Variants in SLC35F4 observed in about 807,000 individuals in gnomAD.
The protein encoded by SLC35F4 is solute carrier family 35 member F4.
Under a neutral mutation model 44.2 loss-of-function variants are expected in SLC35F4, and 24 were observed. That is an observed-to-expected ratio of 0.54 (90% CI 0.39 to 0.76). The LOEUF is 0.76. Among genes scored for constraint, SLC35F4 ranks in the 30% least tolerant of loss-of-function variants. The probability of loss-of-function intolerance (pLI) is 0.00; values close to 1 mark genes in which losing one functional copy is unlikely to be tolerated. For synonymous variants in SLC35F4, 238 were observed against 223.6 expected, an observed-to-expected ratio of 1.06 and a Z score of -0.57; for missense variants, 562 against 586.1, an observed-to-expected ratio of 0.96 and a Z score of 0.42.
chr14:57,693,041 G>C (rs1337026795), intron 1 of SLC35F4, among the ~76,000 whole-genome samples: 1 of 152,088 alleles, frequency 6.6e-6, no homozygotes, highest in Non-Finnish European at 1.5e-5. Context: ...CATTATTCCA[G>C]TAACTATTTT....
rs752625772 is a variant in SLC35F4 at position 57,855,340 on chromosome 14, G to GA, written c.103+10382dup. ...ACAAAGAACTTAAACAAATTTACAA[G>GA]AAAAAAAAACAAACAAACCCATCAA... On this transcript the variant is annotated intron_variant, in intron 1 of 7. Coordinates refer to ENST00000556826, the MANE Select transcript of SLC35F4 (RefSeq NM_001306087.2). Among the ~76,000 whole-genome samples the GA allele has an allele frequency of 1.7e-3, 251 of 148,856 alleles. 1 individual carries two copies. Among genetic ancestry groups the GA allele is most frequent in the South Asian group, 5.5e-3 (26 of 4,702 alleles).
At chr14:57,787,890 G>C (rs1336578964) in intron 1 of SLC35F4, among the ~76,000 whole-genome samples, 1 of 152,102 alleles carries the variant, frequency 6.6e-6, no homozygotes, top group African/African-American at 2.4e-5. Context: ...ACGCAACAAA[G>C]AGCTGGATGA....
At chr14:57,863,165 C>T (rs1422157772) in intron 1 of SLC35F4, among the ~76,000 whole-genome samples, 1 of 152,260 alleles carries the variant, frequency 6.6e-6, no homozygotes, top group Non-Finnish European at 1.5e-5. Context: ...CTGCACCCAC[C>T]TTTAATCATC....
chr14:57,659,304 G>A (rs563452773), intron 1 of SLC35F4, among the ~76,000 whole-genome samples: 1 of 152,238 alleles, frequency 6.6e-6, no homozygotes, highest in East Asian at 1.9e-4. Flanking sequence ...AGCAGGCTGA[G>A]TCCCTGGAGT....
rs560816994 is a variant in SLC35F4, at chr14:57,619,851, A to G, written c.104-25727T>C. Reference sequence around the variant, plus strand: ...ACCAGTTCAGAGAAGAACACATATAACCTGATGAAGCTGAAAAACACAGCA... The same window carrying G: ...ACCAGTTCAGAGAAGAACACATATAGCCTGATGAAGCTGAAAAACACAGCA... On this transcript the variant is annotated intron_variant, in intron 1 of 7. Transcript: ENST00000556826. Among the ~76,000 whole-genome samples, 3 of 152,170 alleles carry G rather than the reference A, an allele frequency of 2.0e-5. No individual in the cohort carries two copies. The South Asian group carries it at 6.2e-4, about 32-fold the overall frequency.
chr14:57,691,010 C>G (rs964431), intron 1 of SLC35F4, among the ~76,000 whole-genome samples: 2 of 152,026 alleles, frequency 1.3e-5, no homozygotes, highest in Non-Finnish European at 2.9e-5. Context: ...ACCATGGTAT[C>G]GGTTTGTGGC....
chr14:57,711,538 C>T (rs551622849), intron 1 of SLC35F4, among the ~76,000 whole-genome samples: 1 of 152,118 alleles, frequency 6.6e-6, no homozygotes, highest in Non-Finnish European at 1.5e-5. Flanking sequence ...TTTGGCCCAA[C>T]CTAATAGCAA....
intron 4 of SLC35F4, chr14:57,579,556 C>A (rs953105665): frequency 6.6e-6 from 1 of 152,112 alleles, no homozygotes; most frequent in African/African-American, 2.4e-5. Flanking sequence ...ATTTGCACGC[C>A]ACTAAAAGAA....
intron 1 of SLC35F4, among the ~76,000 whole-genome samples, chr14:57,722,428 A>T (rs1425257015): frequency 6.6e-6 from 1 of 152,178 alleles, no homozygotes; most frequent in Non-Finnish European, 1.5e-5. Context: ...GGTCCAGAAG[A>T]TACACCCTTG....
intron 1 of SLC35F4, among the ~76,000 whole-genome samples, chr14:57,681,978 T>C (rs572796719): frequency 2.0e-5 from 3 of 152,258 alleles, no homozygotes; most frequent in Non-Finnish European, 1.5e-5. Context: ...TGGCAATCAC[T>C]AAAAAGTTAG....
At chr14:57,613,199 C>T (rs2071611374) in intron 1 of SLC35F4, among the ~76,000 whole-genome samples, 1 of 152,216 alleles carries the variant, frequency 6.6e-6, no homozygotes, top group African/African-American at 2.4e-5. Context: ...CATTAATAAA[C>T]ATGCTGAGTT....
chr14:57,623,246 C>T (rs546784305), intron 1 of SLC35F4, among the ~76,000 whole-genome samples: 1 of 152,272 alleles, frequency 6.6e-6, no homozygotes, highest in East Asian at 1.9e-4. Flanking sequence ...GGGATCAATG[C>T]AACAAGAGGA....
At chr14:57,697,108 T>C (rs997054617) in intron 1 of SLC35F4, among the ~76,000 whole-genome samples, 1 of 152,152 alleles carries the variant, frequency 6.6e-6, no homozygotes, top group Admixed American at 6.6e-5. Context: ...TATTTTATTA[T>C]GTAAATTGCT....
At chr14:57,761,174 A>G (rs79020799) in intron 1 of SLC35F4, among the ~76,000 whole-genome samples, 3,206 of 152,198 alleles carry the variant, frequency 0.021, 97 homozygotes, top group African/African-American at 0.072. Flanking sequence ...CTGAAATTCA[A>G]TGTCTTGAAA....
intron 1 of SLC35F4, among the ~76,000 whole-genome samples, chr14:57,955,060 C>T (rs932347075): frequency 7.2e-5 from 11 of 151,782 alleles, no homozygotes; most frequent in Non-Finnish European, 1.3e-4. Context: ...ACTGGCAAAC[C>T]GAATTCAGCA....
At chr14:57,929,809 T>C (rs1169173054) in intron 1 of SLC35F4, among the ~76,000 whole-genome samples, 1 of 152,120 alleles carries the variant, frequency 6.6e-6, no homozygotes, top group Admixed American at 6.5e-5. Context: ...CTCCCCTCAG[T>C]CAGCATAGGG....
At chr14:57,589,878 T>C (rs1214197389) in intron 2 of SLC35F4, among the ~76,000 whole-genome samples, 1 of 152,168 alleles carries the variant, frequency 6.6e-6, no homozygotes, top group African/African-American at 2.4e-5. Flanking sequence ...ACATGAGGCA[T>C]AACACCTCCC....
At chr14:57,957,594 A>C (rs7143449) in intron 1 of SLC35F4, among the ~76,000 whole-genome samples, 76,124 of 151,994 alleles carry the variant, frequency 0.5, 20,227 homozygotes, top group East Asian at 0.8. Flanking sequence ...GCCCAACATG[A>C]ACATTCCCAG....
chr14:57,968,749 C>A (rs944985991), intron 1 of SLC35F4, among the ~76,000 whole-genome samples: 1 of 152,150 alleles, frequency 6.6e-6, no homozygotes, highest in African/African-American at 2.4e-5. Context: ...GGAGAACCAT[C>A]ACACTAAAGA....
Sources: gnomAD v4.1 joint callset for allele counts (sites outside exome capture counted in the v4.1 genomes callset) on GRCh38, gnomAD v4.1.1 for gene constraint, MANE v1.5 for transcripts, NCBI Gene and HGNC (gene_info 2026-07-23, HGNC 2026-07-21) for gene names.